RASA4: variants seen among roughly 807,000 people sequenced by gnomAD.
RASA4 encodes ras GTPase-activating protein 4.
A neutral mutation model predicts 24.0 loss-of-function variants in RASA4; 5 were observed. The observed-to-expected ratio is 0.21, with a 90% CI of 0.11 to 0.44. RASA4 has a LOEUF of 0.44. RASA4 is among the 20% of genes least tolerant of loss of function. RASA4 has a pLI of 0.99. For synonymous variants in RASA4, 9 were observed against 132.7 expected, an observed-to-expected ratio of 0.07 and a Z score of 6.41; for missense variants, 38 against 293.0, an observed-to-expected ratio of 0.13 and a Z score of 6.35.
At chr7:102,603,980 T>C (rs1158074353) in intron 5 of RASA4, among the ~76,000 whole-genome samples, 1 of 149,768 alleles carries the variant, frequency 6.7e-6, no homozygotes, top group Admixed American at 6.7e-5. Context: ...CTAGCCAACA[T>C]AGTGAAGTCC....
Position 102,597,660 on chromosome 7 carries a change from A to G in RASA4, c.738-1531T>C, listed in dbSNP as rs533964088. ...AGGCTGGTCTTGAACTCCTGATCTC[A>G]TGATCCACCCGCCTCGGCCACCCAA... On this transcript the variant is annotated intron_variant, in intron 8 of 20. Coordinates refer to ENST00000262940, the MANE Select transcript of RASA4 (RefSeq NM_006989.6). Among the ~76,000 whole-genome samples the G allele has an allele frequency of 1.4e-3, 190 of 136,216 alleles. 2 individuals carry two copies. Among genetic ancestry groups the G allele is most frequent in the Middle Eastern group, 4.5e-3 (1 of 220 alleles). The allele number at this position is 136,216 out of a possible 152,430, so 89.4% of individuals were successfully genotyped here.
intron 8 of RASA4, 151 bp downstream of exon 8, chr7:102,599,709 C>T (rs1312574948): frequency 6.0e-5 from 18 of 299,360 alleles, no homozygotes; most frequent in Non-Finnish European, 3.7e-5. Context: ...AGGATGCTGG[C>T]TAGGTGGGCA....
chr7:102,603,799 C>T lies in RASA4; in HGVS notation c.429-1394G>A, dbSNP rs543888847. ...GAGGTTGCAGTGAGCCAAGAAAACG[C>T]CACTGCACTCCAGCCTGGGCGACAG... On this transcript the variant is annotated intron_variant, in intron 5 of 20. Coordinates refer to ENST00000262940, the MANE Select transcript of RASA4 (RefSeq NM_006989.6). 1.4e-4 allele frequency among the ~76,000 whole-genome samples: 19 copies of T among 137,198 alleles called. No homozygotes were observed. The South Asian group carries it at 4.5e-3, about 32-fold the overall frequency. The allele number at this position is 137,198 out of a possible 152,430, so 90.0% of individuals were successfully genotyped here.
chr7:102,604,815 AGACAGGCT>A (rs1480664911), intron 5 of RASA4, among the ~76,000 whole-genome samples: 14 of 136,528 alleles, frequency 1.0e-4, no homozygotes, highest in Non-Finnish European at 2.1e-4. Context: ...TCTTCCTCTT[AGACAGGCT>A]GACCCCTCAA....
At chr7:102,612,232 T>C (rs1790890520) in intron 1 of RASA4, 1 of 150,886 alleles carries the variant, frequency 6.6e-6, no homozygotes, top group Non-Finnish European at 1.5e-5. Flanking sequence ...TCCAGCCTGG[T>C]AGTGATCAGC....
intron 8 of RASA4, among the ~76,000 whole-genome samples, chr7:102,599,587 A>G (rs1790360042): frequency 7.1e-6 from 1 of 140,270 alleles, no homozygotes; most frequent in African/African-American, 2.6e-5. Flanking sequence ...CAGTGAGTCG[A>G]GATCACGCCA....
At chr7:102,600,054 G>T (rs1355408387) in intron 7 of RASA4, 100 bp from the exon 8 acceptor site, 3 of 9,638 alleles carry the variant, frequency 3.1e-4, no homozygotes, top group African/African-American at 9.3e-4. Flanking sequence ...AAGGGTCCCT[G>T]AGTGCCAGTG....
chr7:102,605,424 A>AT (rs1365000860), intron 5 of RASA4, among the ~76,000 whole-genome samples: 3 of 16,586 alleles, frequency 1.8e-4, no homozygotes, highest in African/African-American at 2.0e-4. Flanking sequence ...TTTCTTTTTT[A>AT]TTTTTTTTGA....
chr7:102,606,395 C>CAAAAAA lies in RASA4; in HGVS notation c.299-414_299-409dup, dbSNP rs555519087. Among the ~76,000 whole-genome samples the CAAAAAA allele has an allele frequency of 1.8e-3, 101 of 55,482 alleles. 1 individual carries two copies. The highest frequency in any genetic ancestry group is 2.9e-3 in the Non-Finnish European group (73 of 24,880). 36.4% of individuals were successfully genotyped at this position (55,482 alleles called of 152,430 possible). A position where few individuals can be genotyped will look rare whatever the true frequency, so the allele number is the denominator to read the frequency against. ...TGGGTGACAGAGCAAGACCCCATCT[C>CAAAAAA]AAAAAAAAAAAAAAAAAAAAAAAAA... is the stretch of plus-strand genomic sequence containing the variant. On this transcript the variant is annotated intron_variant, in intron 4 of 20. Transcript: ENST00000262940.
At chr7:102,614,078 A>G (rs1250610512) in intron 1 of RASA4, among the ~76,000 whole-genome samples, 1 of 148,648 alleles carries the variant, frequency 6.7e-6, no homozygotes. Flanking sequence ...CCCCGTCCTC[A>G]GAAGTATGCA....
intron 5 of RASA4, among the ~76,000 whole-genome samples, chr7:102,603,017 A>G (rs1202178383): frequency 1.3e-5 from 2 of 149,064 alleles, no homozygotes; most frequent in Non-Finnish European, 3.0e-5. Flanking sequence ...CTGGAGTGTA[A>G]TGGTGCAATC....
rs539444438 is a variant in RASA4, at chr7:102,605,918, C to T, written c.368G>A (p.Arg123Gln). The T allele has an allele frequency of 1.2e-4, 193 of 1,594,536 alleles. No homozygotes were observed. In the South Asian group the frequency reaches 1.3e-3, roughly 11 times the overall value. Residue 123 changes from arginine to glutamine, a missense_variant, in exon 5 of 21, where the codon CGG (arginine) becomes CAG (glutamine). Physicochemically the swap from Arg to Gln is conservative, Grantham distance 43. Transcript: ENST00000262940. Reference protein sequence around the residue: ...DEEVQGEIHLRLEVWPGARAC... With the variant: ...DEEVQGEIHLQLEVWPGARAC... ...CCGGGCCCCTGGCCACACTTCCAGC[C>T]GCAGGTGGATCTCGCCCTGCACCTC...
chr7:102,591,995 G>A (rs1383199553), intron 16 of RASA4, among the ~76,000 whole-genome samples: 1 of 152,194 alleles, frequency 6.6e-6, no homozygotes, highest in Non-Finnish European at 1.5e-5. Flanking sequence ...CACCACACCC[G>A]GCTGATTTTT....
chr7:102,594,418 G>A (rs1489721721), intron 12 of RASA4, 29 bp downstream of exon 12: 1 of 19,964 alleles, frequency 5.0e-5, no homozygotes. Context: ...GCTGCACCCC[G>A]CAACCCCCGG....
chr7:102,611,988 G>A (rs1790864397), intron 1 of RASA4: 3 of 121,798 alleles, frequency 2.5e-5, no homozygotes, highest in Admixed American at 8.6e-5. Context: ...CCCCATCCCT[G>A]CCTCCCCCCA....
Position 102,580,016 on chromosome 7 carries a change from C to A in RASA4, c.*2755G>T, listed in dbSNP as rs1401569074. 3.4e-6 allele frequency: 1 copy of A among 297,892 alleles called. No homozygotes were observed. The highest frequency in any genetic ancestry group is 6.7e-6 in the Non-Finnish European group (1 of 150,142). 18.5% of individuals were successfully genotyped at this position (297,892 alleles called of 1,614,324 possible). A position where few individuals can be genotyped will look rare whatever the true frequency, so the allele number is the denominator to read the frequency against. On this transcript the variant is annotated 3_prime_UTR_variant, in exon 21 of 21. Coordinates refer to ENST00000262940, the MANE Select transcript of RASA4 (RefSeq NM_006989.6). ...CAGGCTGGTCTCGAACTCCTGAGCTCAAGCGATTCTCCCACCTCAGCCTGC... is the reference window on the plus strand; with the variant it reads ...CAGGCTGGTCTCGAACTCCTGAGCTAAAGCGATTCTCCCACCTCAGCCTGC...
chr7:102,603,091 G>T (rs1469732167), intron 5 of RASA4, among the ~76,000 whole-genome samples: 8 of 129,562 alleles, frequency 6.2e-5, no homozygotes, highest in African/African-American at 2.4e-4. Flanking sequence ...CTCCTGAGTA[G>T]CTGGGATTAC....
At chr7:102,606,135 G>A (rs1441784837) in intron 4 of RASA4, 148 bp from the exon 5 acceptor site, 1 of 1,541,334 alleles carries the variant, frequency 6.5e-7, no homozygotes, top group African/African-American at 1.4e-5. Flanking sequence ...GACAGATGGG[G>A]AAACTGAGGC....
At chr7:102,603,871 A>C (rs1327822607) in intron 5 of RASA4, among the ~76,000 whole-genome samples, 1 of 149,580 alleles carries the variant, frequency 6.7e-6, no homozygotes, top group East Asian at 2.0e-4. Context: ...CCACCAAAAA[A>C]AAAAAAACAG....
Sources: gnomAD v4.1 joint callset for allele counts (sites outside exome capture counted in the v4.1 genomes callset) on GRCh38, gnomAD v4.1.1 for gene constraint, MANE v1.5 for transcripts, NCBI Gene and HGNC (gene_info 2026-07-23, HGNC 2026-07-21) for gene names.